Variants in KCNU1 observed in about 807,000 individuals in gnomAD.
The protein encoded by KCNU1 is potassium channel subfamily U member 1.
A neutral mutation model predicts 126.8 loss-of-function variants in KCNU1; 93 were observed. The ratio of observed to expected loss-of-function variants is 0.73; its 90% CI spans 0.62 to 0.87. KCNU1 has a LOEUF of 0.87. Ranked by LOEUF, KCNU1 falls within the 40% of genes least tolerant of loss-of-function variation. The probability of loss-of-function intolerance (pLI) is 0.00; values close to 1 mark genes in which losing one functional copy is unlikely to be tolerated. For missense variants in KCNU1, 1,330 were observed against 1,367.1 expected (o/e 0.97, Z 0.43); for synonymous variants, 523 against 494.2 (o/e 1.06, Z -0.77).
At chr8:36,796,613 A>T (rs1803109576) in intron 2 of KCNU1, among the ~76,000 whole-genome samples, 1 of 152,108 alleles carries the variant, frequency 6.6e-6, no homozygotes, top group South Asian at 2.1e-4. Context: ...ATCTTTGCCA[A>T]ATTTTGTATT....
chr8:36,850,716 G>A (rs927665546), intron 18 of KCNU1, among the ~76,000 whole-genome samples: 13 of 152,084 alleles, frequency 8.5e-5, no homozygotes, highest in African/African-American at 2.2e-4. Flanking sequence ...CTCAATCTCC[G>A]AAAGTGCTGG....
At chr8:36,860,465 T>C (rs544959260) in intron 18 of KCNU1, among the ~76,000 whole-genome samples, 4 of 152,306 alleles carry the variant, frequency 2.6e-5, no homozygotes, top group Admixed American at 2.0e-4. Context: ...TCTGACCTTC[T>C]TCTTAATGGA....
At chr8:36,808,557 G>A (rs1803591860) in intron 6 of KCNU1, among the ~76,000 whole-genome samples, 161 bp from the exon 7 acceptor site, 1 of 152,062 alleles carries the variant, frequency 6.6e-6, no homozygotes, top group Non-Finnish European at 1.5e-5. Context: ...TTGGGAGATC[G>A]GGGCAGGGAC....
At chr8:36,833,502 C>T (rs576932605) in intron 10 of KCNU1, 52 bp from the exon 11 acceptor site, 2 of 1,053,676 alleles carry the variant, frequency 1.9e-6, no homozygotes, top group African/African-American at 3.1e-5. Context: ...CCTCTAAACC[C>T]AGAGTCAATC....
At chr8:36,911,416 A>G (rs989849291) in intron 22 of KCNU1, among the ~76,000 whole-genome samples, 3 of 152,172 alleles carry the variant, frequency 2.0e-5, no homozygotes, top group African/African-American at 7.2e-5. Flanking sequence ...TGTTGTTATG[A>G]TCAGTGAACA....
chr8:36,930,884 C>CTT lies in KCNU1; in HGVS notation c.2737-65_2737-64dup, dbSNP rs894280084. On this transcript the variant is annotated intron_variant, in intron 24 of 26. Transcript: ENST00000399881. The stretch of plus-strand genomic sequence containing the variant: ...AGCAATGCCCACTAAATCTCCAAGC[C>CTT]TTTACCCCTCCACAGTTCACATATT... 4 of 1,148,810 alleles carry CTT rather than the reference C, an allele frequency of 3.5e-6. No homozygotes were observed. In the African/African-American group the frequency reaches 4.9e-5, roughly 14 times the overall value. 71.2% of individuals were successfully genotyped at this position (1,148,810 alleles called of 1,614,324 possible). A position where few individuals can be genotyped will look rare whatever the true frequency, so the allele number is the denominator to read the frequency against.
At chr8:36,836,738 C>T in intron 13 of KCNU1, 55 bp from the exon 14 acceptor site, 1 of 1,466,134 alleles carries the variant, frequency 6.8e-7, no homozygotes, top group Non-Finnish European at 9.5e-7. Context: ...TCCTCAAGAG[C>T]TTTCTTGAGG....
chr8:36,835,857 C>T (rs1804727486), intron 12 of KCNU1, among the ~76,000 whole-genome samples: 1 of 152,136 alleles, frequency 6.6e-6, no homozygotes, highest in Non-Finnish European at 1.5e-5. Context: ...CTGTACCATA[C>T]ATAGTACAGT....
chr8:36,920,997 G>C (rs1465426286), intron 23 of KCNU1, among the ~76,000 whole-genome samples: 2 of 152,122 alleles, frequency 1.3e-5, no homozygotes, highest in African/African-American at 2.4e-5. Flanking sequence ...AGATTTGTTT[G>C]GATTGGTCAT....
chr8:36,845,921 C>T (rs965382558), intron 18 of KCNU1, 22 bp downstream of exon 18: 4 of 1,438,870 alleles, frequency 2.8e-6, no homozygotes, highest in Non-Finnish European at 3.9e-6. Flanking sequence ...TTATTTCTGG[C>T]TGTCCTTAGC....
chr8:36,884,518 C>T (rs551898361), intron 19 of KCNU1, among the ~76,000 whole-genome samples: 1 of 152,180 alleles, frequency 6.6e-6, no homozygotes, highest in African/African-American at 2.4e-5. Context: ...GGTGGATCAC[C>T]TGAGGTCAGG....
chr8:36,904,370 T>C (rs374671786), intron 19 of KCNU1, among the ~76,000 whole-genome samples: 81 of 152,206 alleles, frequency 5.3e-4, no homozygotes, highest in African/African-American at 1.1e-3. Flanking sequence ...TCACATTTCA[T>C]TGGACAGAGC....
At chr8:36,882,066 G>A (rs1806505279) in intron 19 of KCNU1, among the ~76,000 whole-genome samples, 1 of 152,120 alleles carries the variant, frequency 6.6e-6, no homozygotes, top group Non-Finnish European at 1.5e-5. Flanking sequence ...GTCATCTACA[G>A]CCTCTCCAAA....
chr8:36,807,560 G>T, intron 6 of KCNU1, 110 bp downstream of exon 6: 1 of 819,912 alleles, frequency 1.2e-6, no homozygotes, highest in Non-Finnish European at 2.1e-6. Flanking sequence ...TCAGTGCAAA[G>T]ATCATGAAAT....
chr8:36,870,494 A>T (rs1333003037), intron 19 of KCNU1, among the ~76,000 whole-genome samples: 1 of 152,122 alleles, frequency 6.6e-6, no homozygotes, highest in African/African-American at 2.4e-5. Flanking sequence ...CAGGCAAGAG[A>T]ATCCCCATCT....
At chr8:36,892,628 A>T (rs960426869) in intron 19 of KCNU1, among the ~76,000 whole-genome samples, 1 of 151,816 alleles carries the variant, frequency 6.6e-6, no homozygotes, top group Non-Finnish European at 1.5e-5. Context: ...TTGTATATTG[A>T]CACTTAAATC....
chr8:36,901,853 C>T (rs1300724251), intron 19 of KCNU1, among the ~76,000 whole-genome samples: 1 of 152,122 alleles, frequency 6.6e-6, no homozygotes, highest in African/African-American at 2.4e-5. Context: ...TCCTACAAAG[C>T]CCCCTCCACC....
At chr8:36,810,070 G>A (rs1308774199) in intron 7 of KCNU1, among the ~76,000 whole-genome samples, 1 of 152,060 alleles carries the variant, frequency 6.6e-6, no homozygotes, top group Non-Finnish European at 1.5e-5. Context: ...TGGCCAACAT[G>A]GTGAAATCCT....
At chr8:36,805,601 G>A (rs560972571) in intron 4 of KCNU1, among the ~76,000 whole-genome samples, 1 of 152,250 alleles carries the variant, frequency 6.6e-6, no homozygotes, top group South Asian at 2.1e-4. Flanking sequence ...TGAGTAGCAA[G>A]TCTCTGGAGA....
Sources: allele counts gnomAD v4.1 joint callset (sites outside exome capture counted in the v4.1 genomes callset), GRCh38; gene constraint gnomAD v4.1.1; transcripts MANE v1.5; gene names NCBI Gene and HGNC (gene_info 2026-07-23, HGNC 2026-07-21).